The following C18orf32 variants were observed in gnomAD, a reference collection of about 807,000 sequenced individuals.
The protein encoded by C18orf32 is chromosome 18 open reading frame 32.
Under a neutral mutation model 7.4 loss-of-function variants are expected in C18orf32, and 5 were observed. That is an observed-to-expected ratio of 0.68 (90% CI 0.35 to 1.42). The LOEUF (loss-of-function observed/expected upper bound fraction) is 1.42, where lower values mean the gene tolerates loss of function less well. C18orf32 is among the 40% of genes most tolerant of loss of function. C18orf32 has a pLI of 0.04. For missense variants in C18orf32, 88 were observed against 92.4 expected, an observed-to-expected ratio of 0.95 and a Z score of 0.19; for synonymous variants, 30 against 29.3, an observed-to-expected ratio of 1.02 and a Z score of -0.08.
rs370617426 is a variant in C18orf32, at chr18:49,484,364, G to A, written c.-23-593C>T. Among the ~76,000 whole-genome samples the A allele has an allele frequency of 6.7e-4, 102 of 152,144 alleles. 2 individuals are homozygous for A. The highest frequency in any genetic ancestry group is 2.2e-3 in the African/African-American group (91 of 41,530). On this transcript the variant is annotated intron_variant, in intron 1 of 2. Coordinates refer to ENST00000318240, the MANE Select transcript of C18orf32 (RefSeq NM_001035005.4). ...TCCCAGCACTTTGGGAGGCCAAGGC[G>A]GGTGGATCATGAGGTGAGGAGTTCG...
At chr18:49,484,153 T>A (rs998450761) in intron 1 of C18orf32, among the ~76,000 whole-genome samples, 8,698 of 50,576 alleles carry the variant, frequency 0.17, 663 homozygotes, top group East Asian at 0.26. Flanking sequence ...AAAAAATATA[T>A]ATATATATAT....
At position 49,480,619 on chromosome 18, in the gene C18orf32, A is replaced by G. The variant is rs1401877297; in HGVS notation, c.*1726T>C. The G allele has an allele frequency of 6.6e-6, 1 of 152,016 alleles. No homozygotes were observed. Among genetic ancestry groups the G allele is most frequent in the African/African-American group, 2.4e-5 (1 of 41,362 alleles). 9.4% of individuals were successfully genotyped at this position (152,016 alleles called of 1,614,324 possible). On this transcript the variant is annotated 3_prime_UTR_variant, in exon 3 of 3. Transcript: ENST00000318240. ...GTCTCTATAAAAAAAATTACAAAAA[A>G]CATTAGCTGGGCATGGTGGTGTGCA...
intron 1 of C18orf32, chr18:49,486,413 A>G (rs1401794017): frequency 6.6e-6 from 1 of 152,196 alleles, no homozygotes; most frequent in Non-Finnish European, 1.5e-5. Context: ...TCTCGAGGAC[A>G]AATACTACTA....
chr18:49,482,418 G>A lies in C18orf32; in HGVS notation c.166-8C>T, dbSNP rs1237513503. On this transcript the variant is annotated splice_region_variant and splice_polypyrimidine_tract_variant and intron_variant, in intron 2 of 2. Transcript: ENST00000318240. ...TCCATTCATGTCTGCACCCTAAAAT[G>A]AAAAAACATTTTAGAAATTATCATA... 2 of 1,601,392 alleles carry A rather than the reference G, an allele frequency of 1.2e-6. No homozygotes were observed. The highest frequency in any genetic ancestry group is 1.3e-5 in the African/African-American group (1 of 74,454).
At position 49,478,046 on chromosome 18, in the gene C18orf32, CTTTTT is replaced by C. The variant is rs544057515; in HGVS notation, c.*4294_*4298del. 3 of 148,310 alleles carry C rather than the reference CTTTTT, an allele frequency of 2.0e-5. No homozygotes were observed. The highest frequency in any genetic ancestry group is 2.1e-4 in the South Asian group (1 of 4,806). The allele number at this position is 148,310 out of a possible 1,614,324, so 9.2% of individuals were successfully genotyped here. On this transcript the variant is annotated 3_prime_UTR_variant, in exon 3 of 3. Coordinates refer to ENST00000318240, the MANE Select transcript of C18orf32 (RefSeq NM_001035005.4). ...ATTTAAACTCCATTATTCTTTTTTT[CTTTTT>C]TTAAGACAGGGTCTTGCTCTGTTGT...
In C18orf32 at chr18:49,479,225, A is replaced by C. The variant is rs975798606; in HGVS notation, c.*3120T>G. On this transcript the variant is annotated 3_prime_UTR_variant, in exon 3 of 3. Coordinates refer to ENST00000318240, the MANE Select transcript of C18orf32 (RefSeq NM_001035005.4). ...CTCAACCTCCTAAAAGTATTGAATT[A>C]GAAAACTGCTGTGCTACAGAAAAAA... 6.6e-6 allele frequency: 1 copy of C among 152,236 alleles called. No homozygotes were observed. Among genetic ancestry groups the C allele is most frequent in the African/African-American group, 2.4e-5 (1 of 41,470 alleles). 9.4% of individuals were successfully genotyped at this position (152,236 alleles called of 1,614,324 possible). A position where few individuals can be genotyped will look rare whatever the true frequency, so the allele number is the denominator to read the frequency against.
intron 2 of C18orf32, 109 bp downstream of exon 2, chr18:49,483,475 C>G: frequency 7.4e-7 from 1 of 1,349,510 alleles, no homozygotes. Context: ...AAATGTTACA[C>G]AAACTATTGA....
At chr18:49,485,636 T>C (rs1022790116) in intron 1 of C18orf32, among the ~76,000 whole-genome samples, 5 of 151,934 alleles carry the variant, frequency 3.3e-5, no homozygotes, top group African/African-American at 4.8e-5. Flanking sequence ...AGACAGGGTC[T>C]TGCTCTGTTG....
Position 49,479,013 on chromosome 18 carries a change from T to G in C18orf32, c.*3332A>C, listed in dbSNP as rs963863431. 6.6e-6 allele frequency: 1 copy of G among 152,132 alleles called. No homozygotes were observed. Among genetic ancestry groups the G allele is most frequent in the African/African-American group, 2.4e-5 (1 of 41,434 alleles). The allele number at this position is 152,132 out of a possible 1,614,324, so 9.4% of individuals were successfully genotyped here. A position where few individuals can be genotyped will look rare whatever the true frequency, so the allele number is the denominator to read the frequency against. ...GCTTGGAAAAATCAAAAGTTGGCAA[T>G]TGCATACTAGCCACCCCTATCCTGC... On this transcript the variant is annotated 3_prime_UTR_variant, in exon 3 of 3. Transcript: ENST00000318240.
Position 49,477,865 on chromosome 18 carries a change from CACACTATATATAT to C in C18orf32, c.*4467_*4479del, listed in dbSNP as rs1487528013. 1.4e-4 allele frequency: 18 copies of C among 131,396 alleles called. No individual in the cohort carries two copies. The highest frequency in any genetic ancestry group is 2.3e-4 in the Non-Finnish European group (15 of 65,080). 8.1% of individuals were successfully genotyped at this position (131,396 alleles called of 1,614,324 possible). A position where few individuals can be genotyped will look rare whatever the true frequency, so the allele number is the denominator to read the frequency against. On this transcript the variant is annotated 3_prime_UTR_variant, in exon 3 of 3. Transcript: ENST00000318240. Reference sequence around the variant, plus strand: ...TATATATACACACACTATATATATACACACTATATATATACACTATATATATATACACTATATG... The same window carrying C: ...TATATATACACACACTATATATATACACACTATATATATATACACTATATG...
chr18:49,484,342 C>T (rs963919546), intron 1 of C18orf32, among the ~76,000 whole-genome samples: 4 of 152,040 alleles, frequency 2.6e-5, no homozygotes, highest in African/African-American at 9.7e-5. Context: ...GCTGTAATCC[C>T]AGCACTTTGG....
chr18:49,478,103 A>C lies in C18orf32; in HGVS notation c.*4242T>G, dbSNP rs1451169780. On this transcript the variant is annotated 3_prime_UTR_variant, in exon 3 of 3. Coordinates refer to ENST00000318240, the MANE Select transcript of C18orf32 (RefSeq NM_001035005.4). Reference sequence around the variant, plus strand: ...CAAGCTAGAGTGCAGTGGCTTGATCACAGCTCACTGTAGCCTTTAACCTCC... The same window carrying C: ...CAAGCTAGAGTGCAGTGGCTTGATCCCAGCTCACTGTAGCCTTTAACCTCC... 1 of 149,148 alleles carries C rather than the reference A, an allele frequency of 6.7e-6. No homozygotes were observed. The highest frequency in any genetic ancestry group is 1.5e-5 in the Non-Finnish European group (1 of 67,914). The allele number at this position is 149,148 out of a possible 1,614,324, so 9.2% of individuals were successfully genotyped here. A position where few individuals can be genotyped will look rare whatever the true frequency, so the allele number is the denominator to read the frequency against.
rs2083628987 is a variant in C18orf32, at chr18:49,477,578, G to C, written c.*4767C>G. 2 of 150,112 alleles carry C rather than the reference G, an allele frequency of 1.3e-5. No individual in the cohort carries two copies. Among genetic ancestry groups the C allele is most frequent in the Non-Finnish European group, 2.9e-5 (2 of 68,096 alleles). The allele number at this position is 150,112 out of a possible 1,614,324, so 9.3% of individuals were successfully genotyped here. On this transcript the variant is annotated 3_prime_UTR_variant, in exon 3 of 3. Coordinates refer to ENST00000318240, the MANE Select transcript of C18orf32 (RefSeq NM_001035005.4). ...GCAGATCACTGGAGGTTGGGAGTTT[G>C]AGACCAGCCTGACCAACGTGGTGAA...
intron 2 of C18orf32, among the ~76,000 whole-genome samples, chr18:49,483,090 C>T (rs779078711): frequency 2.0e-5 from 3 of 152,066 alleles, no homozygotes; most frequent in Non-Finnish European, 4.4e-5. Flanking sequence ...TGAGCTACCG[C>T]GCCCAGCTCA....
At position 49,480,839 on chromosome 18, in the gene C18orf32, G is replaced by A. The variant is rs1028227766; in HGVS notation, c.*1506C>T. The A allele has an allele frequency of 6.6e-6, 1 of 152,142 alleles. No individual in the cohort carries two copies. The allele number at this position is 152,142 out of a possible 1,614,324, so 9.4% of individuals were successfully genotyped here. On this transcript the variant is annotated 3_prime_UTR_variant, in exon 3 of 3. Coordinates refer to ENST00000318240, the MANE Select transcript of C18orf32 (RefSeq NM_001035005.4). Reference sequence around the variant, plus strand: ...ATTAATTTTCAAAAAGTTGCTAGAAGGTTACACACAAAATCAACTGGGGCG... The same window carrying A: ...ATTAATTTTCAAAAAGTTGCTAGAAAGTTACACACAAAATCAACTGGGGCG...
At position 49,481,918 on chromosome 18, in the gene C18orf32, A is replaced by C. The variant is rs1196882844; in HGVS notation, c.*427T>G. On this transcript the variant is annotated 3_prime_UTR_variant, in exon 3 of 3. Coordinates refer to ENST00000318240, the MANE Select transcript of C18orf32 (RefSeq NM_001035005.4). The stretch of plus-strand genomic sequence containing the variant: ...TATTACCTCCCAAAATTCTACCTTC[A>C]TTTCCCTGCACAGTTTCACTGGACT... The C allele has an allele frequency of 1.2e-5, 2 of 165,272 alleles. No homozygotes were observed. Among genetic ancestry groups the C allele is most frequent in the African/African-American group, 2.4e-5 (1 of 41,506 alleles). The allele number at this position is 165,272 out of a possible 1,614,324, so 10.2% of individuals were successfully genotyped here. A position where few individuals can be genotyped will look rare whatever the true frequency, so the allele number is the denominator to read the frequency against.
At chr18:49,486,251 C>T (rs1183318520) in intron 1 of C18orf32, 1 of 151,966 alleles carries the variant, frequency 6.6e-6, no homozygotes. Context: ...AAACTTTTAC[C>T]AAACTTTCCA....
At chr18:49,486,697 C>G (rs1241278296) in intron 1 of C18orf32, 2 of 152,056 alleles carry the variant, frequency 1.3e-5, no homozygotes, top group Non-Finnish European at 2.9e-5. Context: ...ACAGAGTAGA[C>G]AGTTAAAGTC....
At position 49,487,124 on chromosome 18, in the gene C18orf32, T is replaced by C. The variant is rs2083768864; in HGVS notation, c.-105A>G. ...AGGAGGCAGGAGGCCGCGCACCGCC[T>C]AGGACTCTGCGAGCGCGGCCCGGGC... is the stretch of plus-strand genomic sequence containing the variant. On this transcript the variant is annotated 5_prime_UTR_variant, in exon 1 of 3. Transcript: ENST00000318240. 1 of 152,616 alleles carries C rather than the reference T, an allele frequency of 6.6e-6. No individual in the cohort carries two copies. The highest frequency in any genetic ancestry group is 1.5e-5 in the Non-Finnish European group (1 of 68,486). The allele number at this position is 152,616 out of a possible 1,614,324, so 9.5% of individuals were successfully genotyped here.
Sources: gnomAD v4.1 joint callset for allele counts (sites outside exome capture counted in the v4.1 genomes callset) on GRCh38, gnomAD v4.1.1 for gene constraint, MANE v1.5 for transcripts, NCBI Gene and HGNC (gene_info 2026-07-23, HGNC 2026-07-21) for gene names.